SIPA1L1: variants seen among roughly 807,000 people sequenced by gnomAD.
SIPA1L1 encodes signal-induced proliferation-associated 1-like protein 1.
Under a neutral mutation model 162.7 loss-of-function variants are expected in SIPA1L1, and 26 were observed. The ratio of observed to expected loss-of-function variants is 0.16; its 90% CI spans 0.12 to 0.22. The LOEUF is 0.22. SIPA1L1 is among the 10% of genes least tolerant of loss of function. The probability of loss-of-function intolerance (pLI) is 1.00; values close to 1 mark genes in which losing one functional copy is unlikely to be tolerated. For synonymous variants in SIPA1L1, 829 were observed against 837.4 expected, an observed-to-expected ratio of 0.99 and a Z score of 0.17; for missense variants, 1,874 against 2,241.0, an observed-to-expected ratio of 0.84 and a Z score of 3.31.
At chr14:71,495,911 A>G (rs1341728151) in intron 2 of SIPA1L1, among the ~76,000 whole-genome samples, 5 of 106,270 alleles carry the variant, frequency 4.7e-5, no homozygotes, top group South Asian at 2.7e-4. Flanking sequence ...AAAAAAAAAA[A>G]AAGAAGAAGA....
At chr14:71,679,033 C>T (rs1266576955) in intron 12 of SIPA1L1, among the ~76,000 whole-genome samples, 1 of 152,110 alleles carries the variant, frequency 6.6e-6, no homozygotes, top group African/African-American at 2.4e-5. Context: ...TCCTGGAGAA[C>T]TTCCCCAACC....
intron 2 of SIPA1L1, among the ~76,000 whole-genome samples, chr14:71,411,382 T>C (rs1324780598): frequency 6.6e-6 from 1 of 152,142 alleles, no homozygotes. Flanking sequence ...TTTCCTTTCT[T>C]TGTAGCATTG....
intron 4 of SIPA1L1, among the ~76,000 whole-genome samples, chr14:71,534,356 G>A (rs1363146907): frequency 6.6e-6 from 1 of 152,188 alleles, no homozygotes; most frequent in East Asian, 1.9e-4. Flanking sequence ...ATGGCTTCTA[G>A]ATTAACTCGT....
intron 17 of SIPA1L1, among the ~76,000 whole-genome samples, chr14:71,712,849 A>C (rs915170780): frequency 2.0e-5 from 3 of 152,158 alleles, no homozygotes; most frequent in African/African-American, 7.2e-5. Flanking sequence ...TTAGCCAGCT[A>C]TTCTCCAGGT....
chr14:71,387,894 G>T (rs1034393356), intron 2 of SIPA1L1, among the ~76,000 whole-genome samples: 7 of 152,158 alleles, frequency 4.6e-5, no homozygotes, highest in Non-Finnish European at 1.0e-4. Context: ...GATGCTTTTG[G>T]TATGATTCAA....
intron 2 of SIPA1L1, among the ~76,000 whole-genome samples, chr14:71,500,568 G>A (rs2050127259): frequency 6.6e-6 from 1 of 152,174 alleles, no homozygotes; most frequent in African/African-American, 2.4e-5. Flanking sequence ...AAAATTGCTA[G>A]AACTTTTGAC....
intron 2 of SIPA1L1, among the ~76,000 whole-genome samples, chr14:71,345,151 A>G (rs2036028489): frequency 6.6e-6 from 1 of 152,156 alleles, no homozygotes; most frequent in Non-Finnish European, 1.5e-5. Context: ...TTCCTGGCGT[A>G]GTTTGCTACC....
intron 4 of SIPA1L1, among the ~76,000 whole-genome samples, chr14:71,535,065 T>A (rs1329251684): frequency 6.6e-6 from 1 of 152,196 alleles, no homozygotes; most frequent in African/African-American, 2.4e-5. Flanking sequence ...GAAAACCATC[T>A]ATAATTTTAC....
intron 4 of SIPA1L1, among the ~76,000 whole-genome samples, chr14:71,577,822 T>A (rs1446170377): frequency 3.9e-5 from 5 of 129,098 alleles, no homozygotes; most frequent in African/African-American, 1.5e-4. Context: ...GCCCCAAACC[T>A]CTGAGCTCAA....
chr14:71,335,381 C>T (rs911457409), intron 2 of SIPA1L1, among the ~76,000 whole-genome samples: 3 of 152,188 alleles, frequency 2.0e-5, no homozygotes, highest in Admixed American at 2.0e-4. Context: ...TGAACAGAAA[C>T]ACTATCACTC....
At chr14:71,555,106 T>C (rs1322545819) in intron 4 of SIPA1L1, among the ~76,000 whole-genome samples, 2 of 152,220 alleles carry the variant, frequency 1.3e-5, no homozygotes, top group African/African-American at 4.8e-5. Context: ...CATTAGCCCC[T>C]AATAAGAGAG....
chr14:71,565,829 A>AAGG (rs150929305), intron 4 of SIPA1L1, among the ~76,000 whole-genome samples: 1 of 5,314 alleles, frequency 1.9e-4, no homozygotes, highest in Non-Finnish European at 2.6e-4. Flanking sequence ...TATTTATAAA[A>AAGG]AAAATCCTTC....
chr14:71,661,391 A>G lies in SIPA1L1; in HGVS notation c.2179A>G (p.Asn727Asp). 6.2e-7 allele frequency: 1 copy of G among 1,613,996 alleles called. No homozygotes were observed. The highest frequency in any genetic ancestry group is 8.5e-7 in the Non-Finnish European group (1 of 1,179,928). Residue 727 changes from asparagine to aspartate, a missense_variant, in exon 10 of 24, where the codon AAC becomes GAC. Around this residue, in one of 5 missense-constraint regions of SIPA1L1, gnomAD observed 243 missense variants for 315.0 expected, o/e 0.77. Coordinates refer to ENST00000381232, the MANE Select transcript of SIPA1L1 (RefSeq NM_001386936.1). ...TGGAGCACAGCCATTCAGCCCAAAA[A>G]ACATCCGATCCCACTTCCAGCACGT... ...EPGAQPFSPK[N>D]IRSHFQHVFV...
intron 2 of SIPA1L1, among the ~76,000 whole-genome samples, chr14:71,391,147 C>A (rs1050848407): frequency 7.7e-6 from 1 of 130,052 alleles, no homozygotes; most frequent in African/African-American, 2.9e-5. Context: ...TGCTCTGTTG[C>A]CCAGGCTGGA....
intron 7 of SIPA1L1, among the ~76,000 whole-genome samples, chr14:71,632,878 G>A (rs1434740967): frequency 6.6e-6 from 1 of 152,132 alleles, no homozygotes; most frequent in African/African-American, 2.4e-5. Context: ...AATAAAGAAG[G>A]CCTGCTAAAT....
intron 4 of SIPA1L1, among the ~76,000 whole-genome samples, chr14:71,537,615 C>T (rs1027954088): frequency 6.6e-6 from 1 of 152,160 alleles, no homozygotes; most frequent in African/African-American, 2.4e-5. Flanking sequence ...AGTTGGCCTC[C>T]CATTCCTCCT....
chr14:71,555,231 G>A (rs866596696), intron 4 of SIPA1L1, among the ~76,000 whole-genome samples: 6 of 152,198 alleles, frequency 3.9e-5, no homozygotes, highest in Non-Finnish European at 7.3e-5. Flanking sequence ...CTGAAAATCT[G>A]TTGTTTATTG....
At chr14:71,676,344 C>T (rs973748870) in intron 12 of SIPA1L1, among the ~76,000 whole-genome samples, 1 of 151,866 alleles carries the variant, frequency 6.6e-6, no homozygotes, top group Non-Finnish European at 1.5e-5. Context: ...GCTCTCTTCC[C>T]TGTTCTTGGA....
At chr14:71,484,223 A>G (rs1018818138) in intron 2 of SIPA1L1, among the ~76,000 whole-genome samples, 9 of 147,528 alleles carry the variant, frequency 6.1e-5, no homozygotes, top group African/African-American at 2.3e-4. Context: ...CTTAGAAGTC[A>G]CTCTGCCTCT....
Sources: gnomAD v4.1 joint callset for allele counts (sites outside exome capture counted in the v4.1 genomes callset) on GRCh38, gnomAD v4.1.1 for gene constraint, gnomAD v4.1.1 regional missense constraint, MANE v1.5 for transcripts, NCBI Gene and HGNC (gene_info 2026-07-23, HGNC 2026-07-21) for gene names.